ZNF804B: variants seen among roughly 807,000 people sequenced by gnomAD.
ZNF804B encodes the protein zinc finger 804B.
A neutral mutation model predicts 101.4 loss-of-function variants in ZNF804B; 80 were observed. That is an observed-to-expected ratio of 0.79 (90% CI 0.66 to 0.95). ZNF804B has a LOEUF of 0.95. ZNF804B is among the 40% of genes least tolerant of loss of function. The probability of loss-of-function intolerance (pLI) is 0.00; values close to 1 mark genes in which losing one functional copy is unlikely to be tolerated. For missense variants in ZNF804B, 1,673 were observed against 1,561.9 expected (o/e 1.07, Z -1.20); for synonymous variants, 622 against 558.8 (o/e 1.11, Z -1.59).
At chr7:89,188,157 A>G (rs2115604632) in intron 1 of ZNF804B, among the ~76,000 whole-genome samples, 1 of 151,574 alleles carries the variant, frequency 6.6e-6, no homozygotes, top group East Asian at 2.0e-4. Context: ...GCCTGTGCTC[A>G]CTTCTTGTCT....
chr7:88,954,900 G>A lies in ZNF804B; in HGVS notation c.108+194816G>A, dbSNP rs887201647. On this transcript the variant is annotated intron_variant, in intron 1 of 3. Coordinates refer to ENST00000333190, the MANE Select transcript of ZNF804B (RefSeq NM_181646.5). ...CTTCCCCAAGATAAGAATTACGTGA[G>A]TCTGACAGGAATTATTAAGTATAGC... Among the ~76,000 whole-genome samples, 7 of 151,738 alleles carry A rather than the reference G, an allele frequency of 4.6e-5. No homozygotes were observed. In the East Asian group the frequency reaches 1.4e-3, roughly 30 times the overall value.
At chr7:88,794,425 T>C (rs777349674) in intron 1 of ZNF804B, 29 of 1,613,760 alleles carry the variant, frequency 1.8e-5, no homozygotes, top group Non-Finnish European at 2.4e-5. Flanking sequence ...TGTGAGAAAA[T>C]CTGTGATGAC....
In ZNF804B at chr7:88,837,495, A is replaced by G. The variant is rs543540039; in HGVS notation, c.108+77411A>G. ...ATAACTCAGTGAAATCATATTTTTC[A>G]GTGATCAATGGTAGAAAATTATGCA... On this transcript the variant is annotated intron_variant, in intron 1 of 3. Transcript: ENST00000333190. Among the ~76,000 whole-genome samples, 10 of 152,068 alleles carry G rather than the reference A, an allele frequency of 6.6e-5. No homozygotes were observed. The South Asian group carries it at 2.1e-3, about 31-fold the overall frequency.
chr7:89,011,066 G>T (rs1277483938), intron 1 of ZNF804B, among the ~76,000 whole-genome samples: 1 of 152,154 alleles, frequency 6.6e-6, no homozygotes, highest in Non-Finnish European at 1.5e-5. Flanking sequence ...CCATGGCTGG[G>T]GAGGCCTCAG....
intron 1 of ZNF804B, among the ~76,000 whole-genome samples, chr7:89,051,523 G>T (rs1789204690): frequency 6.6e-6 from 1 of 152,036 alleles, no homozygotes; most frequent in Admixed American, 6.6e-5. Context: ...TACCATTCAA[G>T]CTTCTGAGTC....
At chr7:89,280,494 A>G (rs541598232) in intron 2 of ZNF804B, among the ~76,000 whole-genome samples, 31 of 152,310 alleles carry the variant, frequency 2.0e-4, no homozygotes, top group African/African-American at 7.5e-4. Context: ...AGGATCAACA[A>G]AATTGATAGA....
intron 1 of ZNF804B, among the ~76,000 whole-genome samples, chr7:89,182,824 T>C (rs762163854): frequency 6.6e-6 from 1 of 152,198 alleles, no homozygotes; most frequent in African/African-American, 2.4e-5. Context: ...CTAGAGTTAC[T>C]TTGCCCATTT....
At chr7:88,939,864 T>C (rs543557707) in intron 1 of ZNF804B, among the ~76,000 whole-genome samples, 29 of 152,030 alleles carry the variant, frequency 1.9e-4, no homozygotes, top group Admixed American at 1.0e-3. Flanking sequence ...CACTCCTGAA[T>C]GTATTTTGCA....
intron 1 of ZNF804B, among the ~76,000 whole-genome samples, chr7:89,085,766 T>G (rs963294001): frequency 6.6e-6 from 1 of 152,008 alleles, no homozygotes; most frequent in Admixed American, 6.6e-5. Flanking sequence ...ATTTTACTTG[T>G]CACTTTTAAT....
chr7:88,891,100 A>C (rs1009382469), intron 1 of ZNF804B, among the ~76,000 whole-genome samples: 1 of 152,152 alleles, frequency 6.6e-6, no homozygotes, highest in Non-Finnish European at 1.5e-5. Context: ...AGTGCATGAC[A>C]TGTAAGAGAC....
At chr7:88,832,513 C>T (rs1791147744) in intron 1 of ZNF804B, among the ~76,000 whole-genome samples, 2 of 151,676 alleles carry the variant, frequency 1.3e-5, no homozygotes, top group Admixed American at 6.6e-5. Flanking sequence ...CCTTCTGTAC[C>T]TGAGATAAAA....
intron 2 of ZNF804B, among the ~76,000 whole-genome samples, chr7:89,285,522 CAAAAAA>C (rs778078214): frequency 4.0e-4 from 9 of 22,390 alleles, no homozygotes; most frequent in Non-Finnish European, 5.7e-4. Context: ...GACTCTGTCT[CAAAAAA>C]AAAAAAAAAA....
chr7:89,301,426 A>G (rs920386928), intron 2 of ZNF804B, among the ~76,000 whole-genome samples: 1 of 151,756 alleles, frequency 6.6e-6, no homozygotes, highest in African/African-American at 2.4e-5. Flanking sequence ...CACCATCACA[A>G]TTTCCTCAAG....
chr7:89,191,571 G>A (rs1014575561), intron 1 of ZNF804B, among the ~76,000 whole-genome samples: 4 of 152,020 alleles, frequency 2.6e-5, no homozygotes, highest in Non-Finnish European at 4.4e-5. Flanking sequence ...AGAGGGTATC[G>A]ATTAACTGTC....
At chr7:89,150,214 T>C (rs926611418) in intron 1 of ZNF804B, among the ~76,000 whole-genome samples, 3 of 151,928 alleles carry the variant, frequency 2.0e-5, no homozygotes, top group Admixed American at 6.6e-5. Context: ...GGTTACTAGA[T>C]TGAAAAAGCC....
chr7:89,110,851 A>G (rs1421027696), intron 1 of ZNF804B, among the ~76,000 whole-genome samples: 1 of 152,096 alleles, frequency 6.6e-6, no homozygotes, highest in African/African-American at 2.4e-5. Flanking sequence ...CCTGCCCTAA[A>G]TATCTACTAT....
chr7:88,935,749 G>A (rs889930283), intron 1 of ZNF804B, among the ~76,000 whole-genome samples: 5 of 151,824 alleles, frequency 3.3e-5, no homozygotes, highest in Non-Finnish European at 5.9e-5. Context: ...CATTTGCTTA[G>A]TAGGTGCCAT....
intron 1 of ZNF804B, among the ~76,000 whole-genome samples, chr7:89,150,513 T>C (rs2116404435): frequency 6.6e-6 from 1 of 152,266 alleles, no homozygotes; most frequent in Middle Eastern, 3.4e-3. Flanking sequence ...ATTAATTAAA[T>C]TTCTGCCCTT....
intron 1 of ZNF804B, among the ~76,000 whole-genome samples, chr7:89,171,176 C>T (rs938459104): frequency 3.3e-5 from 5 of 152,172 alleles, no homozygotes; most frequent in African/African-American, 1.2e-4. Context: ...AATGCAACAA[C>T]AGCAGTAATA....
Sources: allele counts gnomAD v4.1 joint callset (sites outside exome capture counted in the v4.1 genomes callset), GRCh38; gene constraint gnomAD v4.1.1; transcripts MANE v1.5; gene names NCBI Gene and HGNC (gene_info 2026-07-23, HGNC 2026-07-21).